The following SFMBT2 variants were observed in gnomAD, a reference collection of about 807,000 sequenced individuals.
The protein encoded by SFMBT2 is Scm like with four mbt domains 2.
In SFMBT2, 38 loss-of-function variants were observed where a neutral mutation model predicts 110.1. The ratio of observed to expected loss-of-function variants is 0.35; its 90% CI spans 0.27 to 0.45. The LOEUF (loss-of-function observed/expected upper bound fraction) is 0.45, where lower values mean the gene tolerates loss of function less well. SFMBT2 is among the 20% of genes least tolerant of loss of function. The pLI, the probability that SFMBT2 is intolerant of heterozygous loss-of-function variation, is 1.00. For synonymous variants in SFMBT2, 425 were observed against 425.4 expected (o/e 1.00, Z 0.01); for missense variants, 1,011 against 1,094.9 (o/e 0.92, Z 1.08).
At chr10:7,298,760 T>C (rs536695594) in intron 4 of SFMBT2, among the ~76,000 whole-genome samples, 1 of 150,268 alleles carries the variant, frequency 6.7e-6, no homozygotes, top group South Asian at 2.1e-4. Flanking sequence ...TGTGTGCATA[T>C]GTGTGTGTTC....
Position 7,398,928 on chromosome 10 carries a change from T to C in SFMBT2, c.-52+11933A>G, listed in dbSNP as rs568194629. On this transcript the variant is annotated intron_variant, in intron 1 of 20. Coordinates refer to ENST00000397167, the MANE Select transcript of SFMBT2 (RefSeq NM_001387889.1). ...AAGGAAGGCTTCTGTAAGCCAGACA[T>C]GCATGGATAATGCCTAATTAGGGCA... 3.3e-5 allele frequency among the ~76,000 whole-genome samples: 5 copies of C among 152,320 alleles called. No homozygotes were observed. The East Asian group carries it at 9.6e-4, about 29-fold the overall frequency.
chr10:7,187,525 C>A (rs1838455304), intron 16 of SFMBT2, among the ~76,000 whole-genome samples: 2 of 152,170 alleles, frequency 1.3e-5, no homozygotes, highest in Admixed American at 6.5e-5. Context: ...TACATATATT[C>A]TCTTCCACTT....
intron 2 of SFMBT2, among the ~76,000 whole-genome samples, chr10:7,375,306 G>A (rs12762272): frequency 6.6e-6 from 1 of 152,150 alleles, no homozygotes; most frequent in South Asian, 2.1e-4. Context: ...TTTGTTTAAG[G>A]AATAAAATCT....
intron 7 of SFMBT2, among the ~76,000 whole-genome samples, chr10:7,257,264 CAG>C (rs748446139): frequency 4.6e-5 from 7 of 152,184 alleles, no homozygotes; most frequent in African/African-American, 9.7e-5. Flanking sequence ...TCACTTAAAA[CAG>C]GGGTCAGGAG....
chr10:7,354,408 G>A (rs866251624), intron 4 of SFMBT2, among the ~76,000 whole-genome samples: 1 of 152,166 alleles, frequency 6.6e-6, no homozygotes, highest in Admixed American at 6.5e-5. Context: ...TGCATGTCAC[G>A]GCTGGCATAG....
intron 7 of SFMBT2, among the ~76,000 whole-genome samples, chr10:7,261,615 C>T (rs1168483036): frequency 1.3e-5 from 2 of 152,154 alleles, no homozygotes; most frequent in Non-Finnish European, 2.9e-5. Context: ...AAGAATAAAT[C>T]CTGTTGTGAT....
intron 11 of SFMBT2, among the ~76,000 whole-genome samples, chr10:7,218,558 T>C (rs1306219741): frequency 6.6e-6 from 1 of 152,158 alleles, no homozygotes; most frequent in South Asian, 2.1e-4. Flanking sequence ...TCTGGAAAAA[T>C]GGTCAATGTA....
chr10:7,188,499 C>T (rs895436146), intron 16 of SFMBT2, 125 bp downstream of exon 16: 3 of 691,098 alleles, frequency 4.3e-6, no homozygotes, highest in African/African-American at 1.8e-5. Context: ...CATAGAACTG[C>T]AGAACGAACG....
chr10:7,212,605 C>T (rs1030214969), intron 11 of SFMBT2, among the ~76,000 whole-genome samples: 2 of 152,214 alleles, frequency 1.3e-5, no homozygotes, highest in African/African-American at 4.8e-5. Flanking sequence ...CTACTACGTG[C>T]TAACATGACT....
intron 1 of SFMBT2, among the ~76,000 whole-genome samples, chr10:7,382,416 A>T (rs1026499455): frequency 7.9e-5 from 12 of 152,226 alleles, no homozygotes; most frequent in African/African-American, 2.7e-4. Context: ...TCTCAAAAAA[A>T]AAATTAATTA....
chr10:7,336,612 C>T (rs1456580437), intron 4 of SFMBT2, among the ~76,000 whole-genome samples: 1 of 152,044 alleles, frequency 6.6e-6, no homozygotes, highest in African/African-American at 2.4e-5. Flanking sequence ...TATGATCATG[C>T]CACTGCATTA....
In SFMBT2 at chr10:7,202,570, G is replaced by A. The variant is rs371975810; in HGVS notation, c.1445-48C>T. The A allele has an allele frequency of 1.0e-4, 167 of 1,613,744 alleles. No individual in the cohort carries two copies. In the Middle Eastern group the frequency reaches 1.8e-3, roughly 17 times the overall value. On this transcript the variant is annotated intron_variant, in intron 12 of 20. Coordinates refer to ENST00000397167, the MANE Select transcript of SFMBT2 (RefSeq NM_001387889.1). ...AAAGAAAATCAGCTTTGTTAGTGGGGCAAGTCCATTTTTAAAAATAGGTTA... is the reference window on the plus strand; with the variant it reads ...AAAGAAAATCAGCTTTGTTAGTGGGACAAGTCCATTTTTAAAAATAGGTTA...
chr10:7,245,219 T>C (rs763632089), intron 8 of SFMBT2, among the ~76,000 whole-genome samples: 7 of 152,144 alleles, frequency 4.6e-5, no homozygotes, highest in Non-Finnish European at 8.8e-5. Context: ...TATTTACTTA[T>C]TGATTCTGTT....
At chr10:7,198,923 C>G (rs1838863130) in intron 14 of SFMBT2, among the ~76,000 whole-genome samples, 1 of 152,072 alleles carries the variant, frequency 6.6e-6, no homozygotes, top group Non-Finnish European at 1.5e-5. Context: ...CGCCTGTAAT[C>G]AATCCATCCT....
Position 7,227,889 on chromosome 10 carries a change from C to T in SFMBT2, c.1169G>A (p.Gly390Glu). Residue 390 changes from glycine (G) to glutamate (E), a missense_variant, in exon 10 of 21, where the codon GGG becomes GAG. This residue lies in a region of SFMBT2 where 979 missense variants were observed against 1,016.1 expected (regional missense o/e 0.96). Coordinates refer to ENST00000397167, the MANE Select transcript of SFMBT2 (RefSeq NM_001387889.1). ...FDWADYHKQHGAQEAPPFCFR... is the reference protein window; with the variant it reads ...FDWADYHKQHEAQEAPPFCFR... Reference sequence around the variant, plus strand: ...GCAGAAGGGAGGGGCTTCCTGCGCCCCATGCTGCTTGTGATAATCTGCCCA... The same window carrying T: ...GCAGAAGGGAGGGGCTTCCTGCGCCTCATGCTGCTTGTGATAATCTGCCCA... 1.2e-6 allele frequency: 2 copies of T among 1,609,570 alleles called. No individual in the cohort carries two copies. Among genetic ancestry groups the T allele is most frequent in the Non-Finnish European group, 1.7e-6 (2 of 1,178,638 alleles).
chr10:7,182,977 G>A (rs901281081), intron 16 of SFMBT2, among the ~76,000 whole-genome samples: 3 of 151,992 alleles, frequency 2.0e-5, no homozygotes, highest in Middle Eastern at 3.2e-3. Flanking sequence ...TTTAATACAC[G>A]GCCCGGCAAG....
At chr10:7,410,331 C>A (rs1023416809) in intron 1 of SFMBT2, among the ~76,000 whole-genome samples, 5 of 152,274 alleles carry the variant, frequency 3.3e-5, no homozygotes, top group Non-Finnish European at 7.3e-5. Flanking sequence ...TCCGATTCCC[C>A]GTCCTCACCA....
At chr10:7,226,360 A>G (rs1222884441) in intron 10 of SFMBT2, among the ~76,000 whole-genome samples, 2 of 152,240 alleles carry the variant, frequency 1.3e-5, no homozygotes, top group South Asian at 4.1e-4. Context: ...TGAATCCTCC[A>G]AACTCTGATT....
intron 4 of SFMBT2, chr10:7,348,274 G>A (rs577791560): frequency 3.3e-6 from 5 of 1,515,702 alleles, no homozygotes; most frequent in Non-Finnish European, 4.4e-6. Flanking sequence ...AAGAAGTTTT[G>A]AGACATCCTT....
Sources: allele counts gnomAD v4.1 joint callset (sites outside exome capture counted in the v4.1 genomes callset), GRCh38; gene constraint gnomAD v4.1.1; regional missense constraint gnomAD v4.1.1; transcripts MANE v1.5; gene names NCBI Gene and HGNC (gene_info 2026-07-23, HGNC 2026-07-21).